The following NCK1 variants were observed in gnomAD, a reference collection of about 807,000 sequenced individuals.
NCK1 encodes the protein SH2/SH3 adapter protein NCK1.
NCK1 carries 19 observed loss-of-function variants against 36.6 expected under a neutral mutation model. The observed-to-expected ratio is 0.52, with a 90% CI of 0.36 to 0.76. NCK1 has a LOEUF of 0.76. Among genes scored for constraint, NCK1 ranks in the 30% least tolerant of loss-of-function variants. NCK1 has a pLI of 0.00. For missense variants in NCK1, 358 were observed against 445.6 expected (o/e 0.80, Z 1.77); for synonymous variants, 165 against 156.0 (o/e 1.06, Z -0.43).
chr3:136,866,780 A>G (rs535024058), intron 1 of NCK1, among the ~76,000 whole-genome samples: 132 of 151,752 alleles, frequency 8.7e-4, no homozygotes, highest in Non-Finnish European at 1.5e-3. Context: ...CGCCTGGCTA[A>G]TTTTGTATTT....
chr3:136,945,552 C>G, intron 2 of NCK1, 31 bp from the exon 3 acceptor site: 105 of 1,350,278 alleles, frequency 7.8e-5, no homozygotes, highest in Non-Finnish European at 1.0e-4. Context: ...TTTTTATATT[C>G]TCCTCTCATG....
At position 136,945,916 on chromosome 3, in the gene NCK1, A is replaced by G; in HGVS notation, c.560A>G (p.Asn187Ser). Residue 187 changes from asparagine to serine, a missense_variant, in exon 3 of 4, where the codon AAT becomes AGT. This residue lies in a region of NCK1 where 207 missense variants were observed against 253.4 expected (regional missense o/e 0.82). Transcript: ENST00000481752. ...TTAGCAGCAGTCGTCAATAACCTAA[A>G]TACTGGGCAAGTGTTGCATGTGGTA... ...EKLAAVVNNL[N>S]TGQVLHVVQA... 1 of 1,614,092 alleles carries G rather than the reference A, an allele frequency of 6.2e-7. No individual in the cohort carries two copies. The highest frequency in any genetic ancestry group is 8.5e-7 in the Non-Finnish European group (1 of 1,180,006).
intron 1 of NCK1, among the ~76,000 whole-genome samples, chr3:136,892,352 A>C (rs147866840): frequency 1.2e-3 from 187 of 152,322 alleles, no homozygotes; most frequent in Middle Eastern, 0.01. Flanking sequence ...TGTTAAAAAG[A>C]TCTTAATTTT....
chr3:136,929,022 G>T (rs1335844531), intron 2 of NCK1, among the ~76,000 whole-genome samples: 1 of 152,196 alleles, frequency 6.6e-6, no homozygotes, highest in Non-Finnish European at 1.5e-5. Flanking sequence ...TGTGCAGACA[G>T]TTTGGGAGCA....
At chr3:136,913,692 G>A (rs1352755984) in intron 1 of NCK1, among the ~76,000 whole-genome samples, 1 of 150,884 alleles carries the variant, frequency 6.6e-6, no homozygotes, top group Admixed American at 6.6e-5. Flanking sequence ...TTTTTGAGAC[G>A]GAATCTCACT....
At chr3:136,933,292 A>G (rs73231966) in intron 2 of NCK1, among the ~76,000 whole-genome samples, 11,284 of 152,264 alleles carry the variant, frequency 0.074, 444 homozygotes, top group Non-Finnish European at 0.095. Context: ...TTCTTTAACA[A>G]TGGTATTGAG....
At chr3:136,863,485 G>T (rs1195852571) in intron 1 of NCK1, among the ~76,000 whole-genome samples, 2 of 152,164 alleles carry the variant, frequency 1.3e-5, no homozygotes, top group African/African-American at 4.8e-5. Flanking sequence ...TAATTTTCTT[G>T]TGGGGGGTGG....
intron 1 of NCK1, among the ~76,000 whole-genome samples, chr3:136,915,407 G>T (rs1368954399): frequency 2.6e-5 from 4 of 152,030 alleles, no homozygotes; most frequent in Non-Finnish European, 5.9e-5. Context: ...GTATGAAGAT[G>T]TGCCTATGCA....
chr3:136,933,201 G>A lies in NCK1; in HGVS notation c.226+4974G>A, dbSNP rs553718486. On this transcript the variant is annotated intron_variant, in intron 2 of 3. Coordinates refer to ENST00000481752, the MANE Select transcript of NCK1 (RefSeq NM_001291999.2). ...TGGTGACATTGATTCGAGTCTGAGAGGTGCTTAGGTGGAGGTATGCTCCCT... is the reference window on the plus strand; with the variant it reads ...TGGTGACATTGATTCGAGTCTGAGAAGTGCTTAGGTGGAGGTATGCTCCCT... Among the ~76,000 whole-genome samples the A allele has an allele frequency of 2.0e-5, 3 of 152,300 alleles. No homozygotes were observed. The South Asian group carries it at 6.2e-4, about 32-fold the overall frequency.
chr3:136,932,513 A>G (rs538511794), intron 2 of NCK1, among the ~76,000 whole-genome samples: 1 of 152,378 alleles, frequency 6.6e-6, no homozygotes, highest in East Asian at 1.9e-4. Flanking sequence ...GATGAAGTGA[A>G]CAGATGGACA....
intron 1 of NCK1, among the ~76,000 whole-genome samples, chr3:136,897,786 A>G (rs1381042601): frequency 1.3e-5 from 2 of 152,312 alleles, no homozygotes; most frequent in East Asian, 1.9e-4. Flanking sequence ...GCTAAGTATT[A>G]TACATTTTTA....
intron 1 of NCK1, among the ~76,000 whole-genome samples, chr3:136,900,893 C>G: frequency 6.6e-6 from 1 of 152,022 alleles, no homozygotes; most frequent in East Asian, 1.9e-4. Context: ...AATTTGGATG[C>G]CTTTTCTTTT....
At position 136,950,172 on chromosome 3, in the gene NCK1, C is replaced by T. The variant is rs141620641; in HGVS notation, c.*1719C>T. 2.0e-5 allele frequency among the ~76,000 whole-genome samples: 3 copies of T among 152,192 alleles called. No individual in the cohort carries two copies. Among genetic ancestry groups the T allele is most frequent in the African/African-American group, 4.8e-5 (2 of 41,562 alleles). ...TTGTTGTAGGATGACTAGTAGTAAACATCATCTTAATTTTTAACATATATT... is the reference window on the plus strand; with the variant it reads ...TTGTTGTAGGATGACTAGTAGTAAATATCATCTTAATTTTTAACATATATT... On this transcript the variant is annotated 3_prime_UTR_variant, in exon 4 of 4. Transcript: ENST00000481752.
rs749577849 is a variant in NCK1 at position 136,945,824 on chromosome 3, T to G, written c.468T>G (p.Pro156=). 2.5e-6 allele frequency: 4 copies of G among 1,614,134 alleles called. No individual in the cohort carries two copies. Among genetic ancestry groups the G allele is most frequent in the Non-Finnish European group, 2.5e-6 (3 of 1,180,002 alleles). Residue 156 remains proline, a synonymous_variant, in exon 3 of 4, where the codon CCT becomes CCG. Coordinates refer to ENST00000481752, the MANE Select transcript of NCK1 (RefSeq NM_001291999.2). The stretch of plus-strand genomic sequence containing the variant: ...ACAATGGACAAGTTGGATGGTTCCC[T>G]TCAAACTATGTAACTGAAGAAGGTG... The part of the protein sequence containing the change: ...GSYNGQVGWF[P]SNYVTEEGDS...
intron 1 of NCK1, among the ~76,000 whole-genome samples, chr3:136,877,922 G>A (rs1248746075): frequency 6.6e-6 from 1 of 152,088 alleles, no homozygotes; most frequent in Non-Finnish European, 1.5e-5. Flanking sequence ...CAACTCAGAT[G>A]TCCATCAGCT....
At chr3:136,894,883 T>TG (rs34746192) in intron 1 of NCK1, among the ~76,000 whole-genome samples, 103,399 of 151,742 alleles carry the variant, frequency 0.68, 35,538 homozygotes, top group East Asian at 0.87. Flanking sequence ...TGTTTTGTTT[T>TG]TTTTTTGAGA....
intron 1 of NCK1, among the ~76,000 whole-genome samples, chr3:136,904,563 T>C (rs183955331): frequency 2.1e-3 from 323 of 152,350 alleles, no homozygotes; most frequent in Admixed American, 2.9e-3. Flanking sequence ...ACTAGATGCT[T>C]TTCTTGCCAT....
chr3:136,899,707 G>A (rs552349746), intron 1 of NCK1: 31 of 801,146 alleles, frequency 3.9e-5, no homozygotes, highest in Non-Finnish European at 6.3e-5. Flanking sequence ...TTAGAGATAC[G>A]AGGAGACTTA....
chr3:136,935,583 G>A (rs532539807), intron 2 of NCK1, among the ~76,000 whole-genome samples: 2 of 152,286 alleles, frequency 1.3e-5, no homozygotes, highest in South Asian at 4.1e-4. Context: ...AACTAGTTTA[G>A]TGGGGTCACG....
Sources: allele counts gnomAD v4.1 joint callset (sites outside exome capture counted in the v4.1 genomes callset), GRCh38; gene constraint gnomAD v4.1.1; regional missense constraint gnomAD v4.1.1; transcripts MANE v1.5; gene names NCBI Gene and HGNC (gene_info 2026-07-23, HGNC 2026-07-21).